XKR4: variants seen among roughly 807,000 people sequenced by gnomAD.
XKR4 encodes the protein XK-related protein 4.
In XKR4, 12 loss-of-function variants were observed where a neutral mutation model predicts 53.9. The observed-to-expected ratio is 0.22, with a 90% CI of 0.14 to 0.36. XKR4 has a LOEUF of 0.36. Among genes scored for constraint, XKR4 ranks in the 10% least tolerant of loss-of-function variants. XKR4 has a pLI of 1.00. For synonymous variants in XKR4, 354 were observed against 362.4 expected (o/e 0.98, Z 0.26); for missense variants, 799 against 859.5 (o/e 0.93, Z 0.88).
chr8:55,103,387 G>A, intron 1 of XKR4, 93 bp downstream of exon 1: 7 of 1,504,970 alleles, frequency 4.7e-6, no homozygotes, highest in Non-Finnish European at 5.3e-6. Flanking sequence ...GGGTTGCTTT[G>A]GTAGTAACCC....
At chr8:55,171,485 G>C (rs16921303) in intron 1 of XKR4, among the ~76,000 whole-genome samples, 4,345 of 152,228 alleles carry the variant, frequency 0.029, 165 homozygotes, top group East Asian at 0.12. Flanking sequence ...ACGTCTCCGT[G>C]TCATTTTACC....
At chr8:55,482,512 A>G (rs1806125981) in intron 2 of XKR4, among the ~76,000 whole-genome samples, 1 of 152,070 alleles carries the variant, frequency 6.6e-6, no homozygotes. Flanking sequence ...AAACCTGCAC[A>G]TTGTGCACAT....
rs543720526 is a variant in XKR4 at position 55,131,968 on chromosome 8, C to T, written c.806+28674C>T. 1.1e-4 allele frequency among the ~76,000 whole-genome samples: 16 copies of T among 152,292 alleles called. No individual in the cohort carries two copies. In the South Asian group the frequency reaches 3.1e-3, roughly 30 times the overall value. On this transcript the variant is annotated intron_variant, in intron 1 of 2. Coordinates refer to ENST00000327381, the MANE Select transcript of XKR4 (RefSeq NM_052898.2). ...TTCTGGGGATAAAATGATCAGATGT[C>T]TGCCCTAGAGGAGCAGTTTCATATG...
intron 1 of XKR4, among the ~76,000 whole-genome samples, chr8:55,152,473 G>C (rs1055179120): frequency 7.8e-6 from 1 of 128,752 alleles, no homozygotes; most frequent in Admixed American, 7.4e-5. Context: ...TAATGCACAG[G>C]TTATGAAAAT....
intron 1 of XKR4, among the ~76,000 whole-genome samples, chr8:55,289,696 AG>A (rs1563316556): frequency 1.0e-4 from 11 of 108,294 alleles, no homozygotes; most frequent in Admixed American, 1.9e-4. Context: ...AGAAAGAAAG[AG>A]AAAGAAAGAA....
intron 1 of XKR4, among the ~76,000 whole-genome samples, chr8:55,287,614 C>T (rs113396343): frequency 1.7e-3 from 254 of 152,300 alleles, no homozygotes; most frequent in African/African-American, 4.7e-3. Flanking sequence ...CTGACAAAGC[C>T]GGCAGCACAT....
In XKR4 at chr8:55,528,440, T is replaced by C. The variant is rs1306481068; in HGVS notation, c.*4213T>C. The C allele has an allele frequency of 6.6e-6, 1 of 152,256 alleles. No homozygotes were observed. Among genetic ancestry groups the C allele is most frequent in the African/African-American group, 2.4e-5 (1 of 41,474 alleles). 9.4% of individuals were successfully genotyped at this position (152,256 alleles called of 1,614,324 possible). ...AATGCCGTTGATTGGAAACAAGTTC[T>C]GACACAATGTTTAGACAAGAATCCA... On this transcript the variant is annotated 3_prime_UTR_variant, in exon 3 of 3. Transcript: ENST00000327381.
chr8:55,459,549 G>T (rs1805617356), intron 2 of XKR4, among the ~76,000 whole-genome samples: 1 of 152,138 alleles, frequency 6.6e-6, no homozygotes, highest in South Asian at 2.1e-4. Flanking sequence ...CTTGTGTCCA[G>T]AATATATCAA....
intron 1 of XKR4, among the ~76,000 whole-genome samples, chr8:55,228,073 A>G (rs1817981586): frequency 6.6e-6 from 1 of 151,986 alleles, no homozygotes. Flanking sequence ...CGCCCAGCTA[A>G]TTTTTGTATT....
chr8:55,499,080 G>T (rs541559414), intron 2 of XKR4, among the ~76,000 whole-genome samples: 270 of 152,256 alleles, frequency 1.8e-3, no homozygotes, highest in African/African-American at 6.2e-3. Flanking sequence ...TCTTCTCCTG[G>T]TTACTTGAGG....
At chr8:55,416,714 C>T (rs1372479247) in intron 2 of XKR4, among the ~76,000 whole-genome samples, 5 of 152,144 alleles carry the variant, frequency 3.3e-5, no homozygotes, top group East Asian at 1.9e-4. Context: ...CCATCAATGG[C>T]GTTTAGCTAT....
chr8:55,362,744 G>T (rs1395057215), intron 2 of XKR4, among the ~76,000 whole-genome samples: 1 of 152,120 alleles, frequency 6.6e-6, no homozygotes, highest in Non-Finnish European at 1.5e-5. Context: ...GTTTATTTTG[G>T]TTGCACAGAC....
At chr8:55,454,746 G>C in intron 2 of XKR4, 2 of 789,836 alleles carry the variant, frequency 2.5e-6, no homozygotes, top group Non-Finnish European at 4.6e-6. Flanking sequence ...CCTCCGCATG[G>C]TCAAGTCGCG....
intron 2 of XKR4, among the ~76,000 whole-genome samples, chr8:55,399,973 C>T (rs1468435350): frequency 6.6e-6 from 1 of 152,194 alleles, no homozygotes; most frequent in African/African-American, 2.4e-5. Context: ...GGGTTTCTCC[C>T]ACTGCCCCCA....
At chr8:55,161,222 A>G (rs919943152) in intron 1 of XKR4, among the ~76,000 whole-genome samples, 6 of 152,238 alleles carry the variant, frequency 3.9e-5, no homozygotes, top group Admixed American at 2.6e-4. Flanking sequence ...ACACAGTCAT[A>G]GATACCACAC....
intron 1 of XKR4, among the ~76,000 whole-genome samples, chr8:55,174,203 G>A (rs1817200769): frequency 6.6e-6 from 1 of 152,032 alleles, no homozygotes; most frequent in African/African-American, 2.4e-5. Context: ...TTTCATGGCA[G>A]ACTTTTTTTT....
At chr8:55,375,878 C>T (rs927805831) in intron 2 of XKR4, among the ~76,000 whole-genome samples, 20 of 152,004 alleles carry the variant, frequency 1.3e-4, no homozygotes, top group Admixed American at 1.2e-3. Flanking sequence ...TGATGCGATC[C>T]CCCACACCCT....
chr8:55,453,528 A>C (rs1585581823), intron 2 of XKR4: 1 of 381,402 alleles, frequency 2.6e-6, no homozygotes, highest in Non-Finnish European at 5.2e-6. Context: ...AGCCTGCTGC[A>C]CCCATCCAGT....
intron 1 of XKR4, among the ~76,000 whole-genome samples, chr8:55,319,564 G>A (rs1057375173): frequency 1.3e-5 from 2 of 152,166 alleles, no homozygotes; most frequent in African/African-American, 4.8e-5. Flanking sequence ...AAACTGTAAC[G>A]TGCTGCTGGC....
Sources: gnomAD v4.1 joint callset for allele counts (sites outside exome capture counted in the v4.1 genomes callset) on GRCh38, gnomAD v4.1.1 for gene constraint, MANE v1.5 for transcripts, NCBI Gene and HGNC (gene_info 2026-07-23, HGNC 2026-07-21) for gene names.